Variants in COL3A1 observed in about 807,000 individuals in gnomAD.
COL3A1 encodes the protein collagen type III alpha 1 chain.
A neutral mutation model predicts 200.9 loss-of-function variants in COL3A1; 46 were observed. The ratio of observed to expected loss-of-function variants is 0.23; its 90% confidence interval spans 0.18 to 0.29. The LOEUF (loss-of-function observed/expected upper bound fraction) is 0.29. Ranked by LOEUF, COL3A1 falls within the 10% of genes least tolerant of loss-of-function variation. The pLI, the probability that COL3A1 is intolerant of heterozygous loss-of-function variation, is 1.00. For synonymous variants in COL3A1, 650 were observed against 628.0 expected (o/e 1.03, Z -0.52); for missense variants, 1,367 against 1,917.6 (o/e 0.71, Z 5.36).
At chr2:188,984,990 T>A in intron 2 of COL3A1, 28 bp downstream of exon 2, 2 of 1,599,150 alleles carry the variant, frequency 1.3e-6, no homozygotes, top group Non-Finnish European at 1.7e-6. Flanking sequence ...CTGTACATCT[T>A]CAATATTCAT....
chr2:189,001,710 T>C, intron 34 of COL3A1, 121 bp downstream of exon 34: 1 of 980,086 alleles, frequency 1.0e-6, no homozygotes, highest in Non-Finnish European at 1.6e-6. Flanking sequence ...GATATTATCT[T>C]CAAAAACCAT....
At chr2:188,976,506 T>C (rs139236316) in intron 1 of COL3A1, among the ~76,000 whole-genome samples, 3 of 152,298 alleles carry the variant, frequency 2.0e-5, no homozygotes, top group Admixed American at 6.5e-5. Flanking sequence ...GTACATCTTA[T>C]GTTCCCTGTG....
rs771243757 is a variant in COL3A1 at position 189,009,139 on chromosome 2, C to T, written c.3741C>T (p.Ser1247=). 1 of 1,614,140 alleles carries T rather than the reference C, an allele frequency of 6.2e-7. No individual in the cohort carries two copies. Among genetic ancestry groups the T allele is most frequent in the Non-Finnish European group, 8.5e-7 (1 of 1,180,012 alleles). ...SLKSVNGQIE[S]LISPDGSRKN... ...AGTCTGTTAATGGACAAATAGAAAG[C>T]CTCATTAGTCCTGATGGTTCTCGTA... The change falls in exon 48 of 51, where the codon AGC becomes AGT. Residue 1247 remains serine, a synonymous_variant. Coordinates refer to ENST00000304636, the MANE Select transcript of COL3A1 (RefSeq NM_000090.4).
At chr2:188,977,464 G>A (rs1022994940) in intron 1 of COL3A1, among the ~76,000 whole-genome samples, 3 of 151,980 alleles carry the variant, frequency 2.0e-5, no homozygotes, top group African/African-American at 7.2e-5. Flanking sequence ...AACTTGCTCA[G>A]GTAACATTCA....
At chr2:188,974,654 T>C (rs554444999) in intron 1 of COL3A1, 86 bp downstream of exon 1, 2 of 1,051,774 alleles carry the variant, frequency 1.9e-6, no homozygotes, top group Non-Finnish European at 1.5e-6. Flanking sequence ...GAAAATCAGT[T>C]GCCTGATTCA....
At chr2:189,008,229 TAGAG>T (rs1454672204) in intron 47 of COL3A1, 87 bp downstream of exon 47, 35 of 1,160,866 alleles carry the variant, frequency 3.0e-5, no homozygotes, top group Admixed American at 1.6e-4. Flanking sequence ...TAAATTGAAA[TAGAG>T]AGACGCAATG....
intron 35 of COL3A1, among the ~76,000 whole-genome samples, chr2:189,002,683 C>T (rs950148589): frequency 1.3e-5 from 2 of 152,116 alleles, no homozygotes; most frequent in African/African-American, 4.8e-5. Context: ...AAAAAATTTA[C>T]TGGTGCTGAT....
intron 40 of COL3A1, 145 bp from the exon 41 acceptor site, chr2:189,005,205 C>G: frequency 1.3e-6 from 1 of 752,658 alleles, no homozygotes; most frequent in Non-Finnish European, 2.2e-6. Flanking sequence ...CATATTTTTT[C>G]CCATAGCAGG....
intron 16 of COL3A1, 148 bp from the exon 17 acceptor site, chr2:188,993,890 T>G: frequency 1.4e-6 from 1 of 738,730 alleles, no homozygotes; most frequent in South Asian, 1.6e-5. Context: ...TTGACCACAT[T>G]TCATATGTTG....
intron 49 of COL3A1, 135 bp downstream of exon 49, chr2:189,010,500 TG>T (rs1296238377): frequency 3.4e-6 from 5 of 1,474,682 alleles, no homozygotes; most frequent in Non-Finnish European, 4.7e-6. Flanking sequence ...AGTGATGGCA[TG>T]CAATAAAAAT....
intron 1 of COL3A1, among the ~76,000 whole-genome samples, chr2:188,977,114 A>T (rs1197186624): frequency 6.6e-6 from 1 of 152,150 alleles, no homozygotes; most frequent in Non-Finnish European, 1.5e-5. Context: ...CCACTTAAAA[A>T]TTCTACATAT....
At position 188,983,011 on chromosome 2, in the gene COL3A1, A is replaced by C. The variant is rs192084248; in HGVS notation, c.80-1749A>C. ...TAAATGACTGTTTGCTCTTCTATTA[A>C]ATATATTTTCCGTAACACCATTCAA... is the stretch of plus-strand genomic sequence containing the variant. On this transcript the variant is annotated intron_variant, in intron 1 of 50. Coordinates refer to ENST00000304636, the MANE Select transcript of COL3A1 (RefSeq NM_000090.4). Among the ~76,000 whole-genome samples, 43 of 152,018 alleles carry C rather than the reference A, an allele frequency of 2.8e-4. No individual in the cohort carries two copies. In the East Asian group the frequency reaches 7.2e-3, roughly 25 times the overall value.
At chr2:188,977,081 G>T (rs1399110045) in intron 1 of COL3A1, among the ~76,000 whole-genome samples, 1 of 152,040 alleles carries the variant, frequency 6.6e-6, no homozygotes, top group Non-Finnish European at 1.5e-5. Flanking sequence ...GAGTCTTTTT[G>T]GAAATTAGCT....
intron 41 of COL3A1, 75 bp downstream of exon 41, chr2:189,005,532 A>G: frequency 8.2e-7 from 1 of 1,222,022 alleles, no homozygotes. Flanking sequence ...ATTGAGCTTT[A>G]ATGTCTAAGA....
chr2:188,995,170 C>A, intron 21 of COL3A1, 71 bp downstream of exon 21: 1 of 1,418,504 alleles, frequency 7.0e-7, no homozygotes, highest in Non-Finnish European at 9.9e-7. Flanking sequence ...TACAATTTCT[C>A]ATTCATGAAA....
In COL3A1 at chr2:189,007,074, G is replaced by C. The variant is rs13306270; in HGVS notation, c.3255+84G>C. Reference sequence around the variant, plus strand: ...AGTGTAGGAAATATTTTATTTTCCAGCGTGTTCAGGAAAAAAGAATGAATA... The same window carrying C: ...AGTGTAGGAAATATTTTATTTTCCACCGTGTTCAGGAAAAAAGAATGAATA... On this transcript the variant is annotated intron_variant, in intron 44 of 50. Transcript: ENST00000304636. The C allele has an allele frequency of 0.21, 166,825 of 787,368 alleles. 18,930 individuals carry two copies. Among genetic ancestry groups the C allele is most frequent in the South Asian group, 0.28 (16,767 of 60,434 alleles). 48.8% of individuals were successfully genotyped at this position (787,368 alleles called of 1,614,324 possible). A position where few individuals can be genotyped will look rare whatever the true frequency, so the allele number is the denominator to read the frequency against.
At chr2:188,995,157 G>T in intron 21 of COL3A1, 58 bp downstream of exon 21, 1 of 1,485,218 alleles carries the variant, frequency 6.7e-7, no homozygotes, top group Admixed American at 1.7e-5. Context: ...GGCAGTTCTT[G>T]TATACAATTT....
At chr2:189,010,925 C>G (rs993625231) in intron 50 of COL3A1, 35 bp downstream of exon 50, 2 of 1,613,178 alleles carry the variant, frequency 1.2e-6, no homozygotes, top group Admixed American at 1.7e-5. Context: ...GGTCATAAAG[C>G]AGTCAGCATT....
At chr2:188,987,586 A>T (rs1306891951) in intron 5 of COL3A1, among the ~76,000 whole-genome samples, 3 of 152,128 alleles carry the variant, frequency 2.0e-5, no homozygotes, top group Non-Finnish European at 4.4e-5. Flanking sequence ...GCATGATCAT[A>T]TAAATCTCTA....
Sources: allele counts gnomAD v4.1 joint callset (sites outside exome capture counted in the v4.1 genomes callset), GRCh38; gene constraint gnomAD v4.1.1; transcripts MANE v1.5; gene names NCBI Gene and HGNC (gene_info 2026-07-23, HGNC 2026-07-21).